The following NSMCE2 variants were observed in gnomAD, a reference collection of about 807,000 sequenced individuals.
NSMCE2 encodes NSE2 SUMO ligase component of SMC5/6 complex.
In NSMCE2, 24 loss-of-function variants were observed where a neutral mutation model predicts 23.8. The ratio of observed to expected loss-of-function variants is 1.01; its 90% CI spans 0.73 to 1.42. NSMCE2 has a LOEUF of 1.42. Among genes scored for constraint, NSMCE2 ranks in the 40% most tolerant of loss-of-function variants. The probability of loss-of-function intolerance (pLI) is 0.00; values close to 1 mark genes in which losing one functional copy is unlikely to be tolerated. For synonymous variants in NSMCE2, 92 were observed against 94.1 expected (o/e 0.98, Z 0.13); for missense variants, 284 against 296.5 (o/e 0.96, Z 0.31).
At chr8:125,196,650 C>A (rs1823637079) in intron 5 of NSMCE2, among the ~76,000 whole-genome samples, 1 of 152,112 alleles carries the variant, frequency 6.6e-6, no homozygotes, top group African/African-American at 2.4e-5. Flanking sequence ...TGAATAGTGC[C>A]ACAGTAAACA....
chr8:125,284,751 T>C (rs916118528), intron 5 of NSMCE2, among the ~76,000 whole-genome samples: 1 of 152,186 alleles, frequency 6.6e-6, no homozygotes, highest in Non-Finnish European at 1.5e-5. Context: ...AAATAACAAC[T>C]AATAACAATA....
At chr8:125,096,141 C>T (rs190407116) in intron 1 of NSMCE2, among the ~76,000 whole-genome samples, 5 of 152,278 alleles carry the variant, frequency 3.3e-5, no homozygotes, top group South Asian at 2.1e-4. Flanking sequence ...ACTAAGGTCC[C>T]TATGCTTGCC....
chr8:125,265,129 A>G (rs978108695), intron 5 of NSMCE2, among the ~76,000 whole-genome samples: 2 of 150,134 alleles, frequency 1.3e-5, no homozygotes, highest in African/African-American at 4.9e-5. Flanking sequence ...GAATTATGCC[A>G]GCTGCAAGGT....
rs529194522 is a variant in NSMCE2, at chr8:125,206,369, C to G, written c.418+24113C>G. Among the ~76,000 whole-genome samples, 5 of 152,232 alleles carry G rather than the reference C, an allele frequency of 3.3e-5. No homozygotes were observed. In the East Asian group the frequency reaches 9.6e-4, roughly 29 times the overall value. On this transcript the variant is annotated intron_variant, in intron 5 of 7. Transcript: ENST00000287437. ...GGGAGGGTTACAGGTTTTTCATTAG[C>G]TGAGACATCTGATTAGATTTGAACT...
chr8:125,215,003 T>G (rs1275647337), intron 5 of NSMCE2, among the ~76,000 whole-genome samples: 1 of 150,808 alleles, frequency 6.6e-6, no homozygotes, highest in East Asian at 1.9e-4. Context: ...CCCTCACCTT[T>G]GGTAACCACT....
intron 5 of NSMCE2, among the ~76,000 whole-genome samples, chr8:125,196,807 C>T (rs1823646795): frequency 6.6e-6 from 1 of 152,190 alleles, no homozygotes; most frequent in Non-Finnish European, 1.5e-5. Context: ...AACTAATTTA[C>T]ACTACCATCA....
chr8:125,284,180 A>G (rs1238818675), intron 5 of NSMCE2, among the ~76,000 whole-genome samples: 2 of 142,954 alleles, frequency 1.4e-5, no homozygotes, highest in Non-Finnish European at 3.0e-5. Context: ...GAATGACTCA[A>G]GTAAACATTT....
At chr8:125,221,691 G>A (rs754651731) in intron 5 of NSMCE2, among the ~76,000 whole-genome samples, 1 of 152,162 alleles carries the variant, frequency 6.6e-6, no homozygotes, top group African/African-American at 2.4e-5. Context: ...CCTAAATGCA[G>A]CATTCATTTA....
chr8:125,220,010 G>A (rs1329796900), intron 5 of NSMCE2, among the ~76,000 whole-genome samples: 1 of 152,160 alleles, frequency 6.6e-6, no homozygotes, highest in African/African-American at 2.4e-5. Context: ...TGCTATTAAA[G>A]ATTATATAAT....
At chr8:125,362,933 A>C (rs976799809) in intron 7 of NSMCE2, 6 of 152,292 alleles carry the variant, frequency 3.9e-5, no homozygotes, top group African/African-American at 1.4e-4. Flanking sequence ...TGATGTCATC[A>C]GGAAGTCCTC....
intron 5 of NSMCE2, among the ~76,000 whole-genome samples, chr8:125,309,939 G>A (rs1250186990): frequency 2.0e-5 from 3 of 152,204 alleles, no homozygotes; most frequent in Non-Finnish European, 4.4e-5. Flanking sequence ...AGAAGGAAAT[G>A]TTAAAGCTCT....
intron 5 of NSMCE2, among the ~76,000 whole-genome samples, chr8:125,223,410 A>G (rs1056477375): frequency 5.3e-5 from 8 of 152,280 alleles, no homozygotes; most frequent in Middle Eastern, 3.4e-3. Flanking sequence ...TTGCTTCCAT[A>G]TCTTGACTAT....
intron 5 of NSMCE2, among the ~76,000 whole-genome samples, chr8:125,262,909 AC>A (rs1414203039): frequency 1.6e-5 from 2 of 123,470 alleles, no homozygotes; most frequent in African/African-American, 5.9e-5. Context: ...AGTGGTTTTG[AC>A]CATTTCAGTG....
intron 3 of NSMCE2, among the ~76,000 whole-genome samples, chr8:125,110,895 G>A (rs560984496): frequency 1.4e-3 from 218 of 150,966 alleles, no homozygotes; most frequent in African/African-American, 5.1e-3. Flanking sequence ...GGAAGGAGCT[G>A]GGACCTTTCA....
intron 7 of NSMCE2, among the ~76,000 whole-genome samples, chr8:125,364,377 G>A (rs1298710191): frequency 6.6e-6 from 1 of 152,108 alleles, no homozygotes; most frequent in African/African-American, 2.4e-5. Context: ...TGGACTGTTG[G>A]GCTTCCTACC....
intron 4 of NSMCE2, among the ~76,000 whole-genome samples, chr8:125,158,240 T>C (rs1821425745): frequency 6.6e-6 from 1 of 152,154 alleles, no homozygotes; most frequent in East Asian, 1.9e-4. Context: ...GATGTTTCCA[T>C]GTTGAAGGTC....
chr8:125,173,889 ACTACTGCGAGCTGC>A lies in NSMCE2; in HGVS notation c.265-8210_265-8197del, dbSNP rs537784185. Among the ~76,000 whole-genome samples the A allele has an allele frequency of 1.6e-4, 24 of 152,342 alleles. No homozygotes were observed. The South Asian group carries it at 5.0e-3, about 32-fold the overall frequency. On this transcript the variant is annotated intron_variant, in intron 4 of 7. Coordinates refer to ENST00000287437, the MANE Select transcript of NSMCE2 (RefSeq NM_173685.4). ...ACTATGACCTTGGGCAAGATGCTGA[ACTACTGCGAGCTGC>A]CTATTCCTCATATCTGTGAAATTGG...
chr8:125,265,218 CT>C (rs1213030919), intron 5 of NSMCE2, among the ~76,000 whole-genome samples: 3,699 of 142,222 alleles, frequency 0.026, 106 homozygotes, highest in African/African-American at 0.087. Context: ...ATTATCATTA[CT>C]TTTTTTTTTT....
intron 3 of NSMCE2, among the ~76,000 whole-genome samples, chr8:125,104,495 C>T (rs1254784811): frequency 6.6e-6 from 1 of 152,192 alleles, no homozygotes; most frequent in Admixed American, 6.5e-5. Context: ...TGCGATAGCT[C>T]TACTCTGGCT....
Sources: gnomAD v4.1 joint callset for allele counts (sites outside exome capture counted in the v4.1 genomes callset) on GRCh38, gnomAD v4.1.1 for gene constraint, MANE v1.5 for transcripts, NCBI Gene and HGNC (gene_info 2026-07-23, HGNC 2026-07-21) for gene names.